The following ZNF521 variants were observed in gnomAD, a reference collection of about 807,000 sequenced individuals.
ZNF521 encodes the protein zinc finger protein 521.
Under a neutral mutation model 105.5 loss-of-function variants are expected in ZNF521, and 14 were observed. That is an observed-to-expected ratio of 0.13 (90% CI 0.09 to 0.21). ZNF521 has a LOEUF of 0.21. Among genes scored for constraint, ZNF521 ranks in the 10% least tolerant of loss-of-function variants. The pLI is 1.00. For missense variants in ZNF521, 1,233 were observed against 1,629.7 expected (o/e 0.76, Z 4.19); for synonymous variants, 635 against 606.0 (o/e 1.05, Z -0.70).
chr18:25,135,211 G>C (rs1208962992), intron 5 of ZNF521, among the ~76,000 whole-genome samples: 1 of 152,036 alleles, frequency 6.6e-6, no homozygotes, highest in Non-Finnish European at 1.5e-5. Context: ...GGAAAGAAAA[G>C]AGAAACATTT....
intron 3 of ZNF521, among the ~76,000 whole-genome samples, chr18:25,260,084 G>T (rs995071786): frequency 1.3e-5 from 2 of 152,132 alleles, no homozygotes; most frequent in Non-Finnish European, 2.9e-5. Flanking sequence ...AAGAGCCTTG[G>T]GAAACACTGA....
intron 5 of ZNF521, among the ~76,000 whole-genome samples, chr18:25,150,891 CT>C (rs559303954): frequency 1.5e-3 from 204 of 132,150 alleles, no homozygotes; most frequent in Middle Eastern, 4.0e-3. Context: ...TTTCTTTTTT[CT>C]TTTTTTTTTT....
At chr18:25,116,874 T>C (rs1420268859) in intron 5 of ZNF521, among the ~76,000 whole-genome samples, 6 of 10,766 alleles carry the variant, frequency 5.6e-4, no homozygotes, top group African/African-American at 1.2e-3. Flanking sequence ...TATATACGTA[T>C]ATATATATAT....
At chr18:25,063,606 C>T (rs1279511157) in intron 7 of ZNF521, among the ~76,000 whole-genome samples, 1 of 152,180 alleles carries the variant, frequency 6.6e-6, no homozygotes, top group African/African-American at 2.4e-5. Context: ...TGAGCTGAAC[C>T]TCTGGTCATT....
chr18:25,309,552 T>C (rs562305466), intron 3 of ZNF521, among the ~76,000 whole-genome samples: 16 of 152,332 alleles, frequency 1.1e-4, no homozygotes, highest in Non-Finnish European at 1.6e-4. Context: ...ATAATATATG[T>C]AATATTGAAT....
At position 25,226,243 on chromosome 18, in the gene ZNF521, C is replaced by T. The variant is rs777403127; in HGVS notation, c.1675G>A (p.Val559Ile). The change falls in exon 4 of 8, where the codon GTC (valine) becomes ATC (isoleucine). Residue 559 changes from valine (V) to isoleucine (I), a missense_variant. By Grantham distance (29) the Val-to-Ile change is conservative. Transcript: ENST00000361524. The surrounding 1 kb of genome is among the most constrained non-coding windows in gnomAD (Gnocchi z 4.1). ...TTTGTACAATAGGAACAAGAATAGA[C>T]TTCTACTACTGGTTCTTTGGGAGTC... is the stretch of plus-strand genomic sequence containing the variant. ...LGTPKEPVVE[V>I]YSCSYCTNSP... 6.2e-7 allele frequency: 1 copy of T among 1,614,228 alleles called. No homozygotes were observed. Among genetic ancestry groups the T allele is most frequent in the Non-Finnish European group, 8.5e-7 (1 of 1,180,028 alleles).
intron 5 of ZNF521, among the ~76,000 whole-genome samples, chr18:25,177,036 C>T (rs1033674730): frequency 1.3e-5 from 2 of 152,220 alleles, no homozygotes; most frequent in African/African-American, 4.8e-5. Flanking sequence ...AATTTTTACA[C>T]ACAGCGAACA....
At chr18:25,186,912 A>AC (rs1365982462) in intron 5 of ZNF521, among the ~76,000 whole-genome samples, 1 of 148,466 alleles carries the variant, frequency 6.7e-6, no homozygotes, top group South Asian at 2.2e-4. Context: ...GCTAAAAAAA[A>AC]AAAAAAAAAG....
intron 4 of ZNF521, among the ~76,000 whole-genome samples, chr18:25,214,130 G>A (rs1305766064): frequency 1.3e-5 from 2 of 151,994 alleles, no homozygotes; most frequent in Non-Finnish European, 2.9e-5. Context: ...CTGTTGACAC[G>A]ATCCCAGAAG....
intron 3 of ZNF521, among the ~76,000 whole-genome samples, chr18:25,289,304 T>A (rs913426585): frequency 6.6e-6 from 1 of 152,230 alleles, no homozygotes; most frequent in Non-Finnish European, 1.5e-5. Context: ...TGAATAAACA[T>A]TATTTTCTTT....
chr18:25,120,937 G>A (rs2034428061), intron 5 of ZNF521, among the ~76,000 whole-genome samples: 1 of 151,926 alleles, frequency 6.6e-6, no homozygotes, highest in African/African-American at 2.4e-5. Context: ...TCAGGAAGGT[G>A]GTAAGAAACC....
At chr18:25,139,876 T>A (rs1462377115) in intron 5 of ZNF521, among the ~76,000 whole-genome samples, 4 of 152,116 alleles carry the variant, frequency 2.6e-5, no homozygotes, top group Admixed American at 2.6e-4. Context: ...CCCTCACAAA[T>A]GGGATTAATG....
intron 3 of ZNF521, among the ~76,000 whole-genome samples, chr18:25,267,457 C>A (rs530942376): frequency 2.6e-5 from 4 of 152,298 alleles, no homozygotes; most frequent in African/African-American, 9.6e-5. Flanking sequence ...TCAAGGGGGT[C>A]CCTGACCCCT....
At chr18:25,119,422 A>G (rs1283672778) in intron 5 of ZNF521, among the ~76,000 whole-genome samples, 1 of 152,208 alleles carries the variant, frequency 6.6e-6, no homozygotes, top group African/African-American at 2.4e-5. Flanking sequence ...GTTCACCCAT[A>G]GAACAAGTAT....
chr18:25,329,619 G>C (rs1600316272), intron 2 of ZNF521, among the ~76,000 whole-genome samples: 1 of 152,214 alleles, frequency 6.6e-6, no homozygotes, highest in East Asian at 1.9e-4. Context: ...GGGAGGGATA[G>C]ACCAGACAGA....
chr18:25,222,649 T>C (rs921730703), intron 4 of ZNF521, among the ~76,000 whole-genome samples: 1 of 152,200 alleles, frequency 6.6e-6, no homozygotes, highest in African/African-American at 2.4e-5. Context: ...TGTAGGCATA[T>C]GTTAAGCATT....
chr18:25,169,490 T>C (rs964523825), intron 5 of ZNF521, among the ~76,000 whole-genome samples: 12 of 152,186 alleles, frequency 7.9e-5, no homozygotes, highest in African/African-American at 2.9e-4. Context: ...ATGGGTATTG[T>C]GTGCAAAGCC....
intron 3 of ZNF521, among the ~76,000 whole-genome samples, chr18:25,296,137 A>G (rs1911308392): frequency 6.6e-6 from 1 of 152,102 alleles, no homozygotes; most frequent in South Asian, 2.1e-4. Flanking sequence ...TCAATTTTAG[A>G]CCTTGTTACT....
intron 3 of ZNF521, among the ~76,000 whole-genome samples, chr18:25,240,766 G>A (rs1215291246): frequency 2.0e-5 from 3 of 151,906 alleles, no homozygotes; most frequent in Non-Finnish European, 4.4e-5. Context: ...GACCCATAGA[G>A]GGTACAGGCT....
Sources: gnomAD v4.1 joint callset for allele counts (sites outside exome capture counted in the v4.1 genomes callset) on GRCh38, gnomAD v4.1.1 for gene constraint, Gnocchi (gnomAD v3.1) non-coding constraint, MANE v1.5 for transcripts, NCBI Gene and HGNC (gene_info 2026-07-23, HGNC 2026-07-21) for gene names.